CACNG2: variants seen among roughly 807,000 people sequenced by gnomAD.
The protein encoded by CACNG2 is voltage-dependent calcium channel gamma-2 subunit.
In CACNG2, 3 loss-of-function variants were observed where a neutral mutation model predicts 25.9. The ratio of observed to expected loss-of-function variants is 0.12; its 90% confidence interval spans 0.05 to 0.30. CACNG2 has a LOEUF of 0.30. Ranked by LOEUF, CACNG2 falls within the 10% of genes least tolerant of loss-of-function variation. The pLI is 1.00. For synonymous variants in CACNG2, 167 were observed against 173.3 expected (o/e 0.96, Z 0.29); for missense variants, 341 against 432.5 (o/e 0.79, Z 1.88).
chr22:36,572,065 A>G (rs147391587), intron 2 of CACNG2, among the ~76,000 whole-genome samples: 4 of 152,288 alleles, frequency 2.6e-5, no homozygotes, highest in Non-Finnish European at 5.9e-5. Flanking sequence ...TCTTGTTGCC[A>G]AAATCTATCA....
In CACNG2 at chr22:36,610,865, C is replaced by G. The variant is rs893174478; in HGVS notation, c.212-23317G>C. 2.0e-5 allele frequency among the ~76,000 whole-genome samples: 3 copies of G among 152,224 alleles called. No individual in the cohort carries two copies. The East Asian group carries it at 5.8e-4, about 29-fold the overall frequency. Reference sequence around the variant, plus strand: ...GGAGACCGCCAAGGCCTCTGCCACCCTCGCTTAGGAAGAGTGGGCACGGGG... The same window carrying G: ...GGAGACCGCCAAGGCCTCTGCCACCGTCGCTTAGGAAGAGTGGGCACGGGG... On this transcript the variant is annotated intron_variant, in intron 1 of 3. Transcript: ENST00000300105.
intron 2 of CACNG2, among the ~76,000 whole-genome samples, chr22:36,576,284 C>T (rs1482571197): frequency 6.6e-6 from 1 of 152,092 alleles, no homozygotes; most frequent in African/African-American, 2.4e-5. Flanking sequence ...GAATGGAAAA[C>T]CAAACATTAT....
intron 2 of CACNG2, among the ~76,000 whole-genome samples, chr22:36,578,615 G>A (rs924439518): frequency 1.3e-5 from 2 of 152,304 alleles, no homozygotes; most frequent in Non-Finnish European, 2.9e-5. Flanking sequence ...CCTGGCTCAT[G>A]TTCCCTGGTG....
intron 1 of CACNG2, among the ~76,000 whole-genome samples, chr22:36,690,511 C>T (rs552111081): frequency 9.2e-5 from 14 of 152,282 alleles, no homozygotes; most frequent in African/African-American, 3.4e-4. Context: ...TGACAGCACC[C>T]GACATTTGTC....
At chr22:36,583,291 G>T (rs867092036) in intron 2 of CACNG2, among the ~76,000 whole-genome samples, 2 of 152,058 alleles carry the variant, frequency 1.3e-5, no homozygotes, top group Non-Finnish European at 2.9e-5. Flanking sequence ...AAATTAGCCA[G>T]ATGTGGTGGC....
intron 1 of CACNG2, among the ~76,000 whole-genome samples, chr22:36,625,246 A>G (rs568679342): frequency 1.6e-4 from 25 of 152,278 alleles, no homozygotes; most frequent in Middle Eastern, 3.4e-3. Flanking sequence ...CTGAAAATGC[A>G]TTCTGGCTCT....
intron 1 of CACNG2, among the ~76,000 whole-genome samples, chr22:36,659,521 G>A (rs973251796): frequency 2.8e-4 from 43 of 151,986 alleles, no homozygotes; most frequent in African/African-American, 1.0e-3. Context: ...AGGGTATGCC[G>A]TGGAGTCTTC....
chr22:36,621,956 C>T (rs1252146330), intron 1 of CACNG2, among the ~76,000 whole-genome samples: 1 of 152,206 alleles, frequency 6.6e-6, no homozygotes, highest in Non-Finnish European at 1.5e-5. Context: ...AAGACGACAA[C>T]AATTAAACAG....
At chr22:36,690,216 A>G (rs1937251307) in intron 1 of CACNG2, among the ~76,000 whole-genome samples, 1 of 152,196 alleles carries the variant, frequency 6.6e-6, no homozygotes, top group Non-Finnish European at 1.5e-5. Flanking sequence ...CGGAGCAGCC[A>G]TGTAAGCCAC....
intron 2 of CACNG2, among the ~76,000 whole-genome samples, chr22:36,569,785 C>T (rs1034998370): frequency 2.6e-5 from 4 of 152,200 alleles, no homozygotes; most frequent in Admixed American, 6.5e-5. Flanking sequence ...GGTGATCCAC[C>T]GGCCTCGGCC....
intron 1 of CACNG2, among the ~76,000 whole-genome samples, chr22:36,657,916 C>G (rs1936731737): frequency 6.6e-6 from 1 of 152,006 alleles, no homozygotes. Flanking sequence ...CGTTCACTCC[C>G]AAGCTCTCCA....
At chr22:36,649,322 C>T (rs1707174290) in intron 1 of CACNG2, among the ~76,000 whole-genome samples, 1 of 152,158 alleles carries the variant, frequency 6.6e-6, no homozygotes, top group Admixed American at 6.6e-5. Context: ...GACGGAGTCT[C>T]ACTCTGTCAC....
chr22:36,617,820 T>C (rs1936045718), intron 1 of CACNG2, among the ~76,000 whole-genome samples: 1 of 151,260 alleles, frequency 6.6e-6, no homozygotes, highest in African/African-American at 2.4e-5. Flanking sequence ...CTCCTGCGTT[T>C]GAGGAGCTCT....
At chr22:36,617,878 A>C (rs1936046398) in intron 1 of CACNG2, among the ~76,000 whole-genome samples, 1 of 150,840 alleles carries the variant, frequency 6.6e-6, no homozygotes, top group Admixed American at 6.6e-5. Context: ...CCACATTCTA[A>C]GGGTTGGTAA....
rs548757559 is a variant in CACNG2 at position 36,644,797 on chromosome 22, G to T, written c.212-57249C>A. On this transcript the variant is annotated intron_variant, in intron 1 of 3. Transcript: ENST00000300105. ...CTGGTGAATAAGCCCTATATAAGTG[G>T]TTTTTTTTGTTTGTTTTTGTTTTTG... Among the ~76,000 whole-genome samples the T allele has an allele frequency of 7.3e-5, 11 of 151,676 alleles. No homozygotes were observed. In the South Asian group the frequency reaches 8.3e-4, roughly 11 times the overall value.
intron 1 of CACNG2, among the ~76,000 whole-genome samples, chr22:36,633,766 C>T (rs904540403): frequency 2.6e-5 from 4 of 152,166 alleles, no homozygotes; most frequent in East Asian, 3.8e-4. Flanking sequence ...TATGTACCTC[C>T]GTACTGCAAG....
chr22:36,698,451 T>G (rs1296201421), intron 1 of CACNG2, among the ~76,000 whole-genome samples: 1 of 152,182 alleles, frequency 6.6e-6, no homozygotes, highest in Non-Finnish European at 1.5e-5. Context: ...GCTATTGGCT[T>G]TCCTAAAATA....
At chr22:36,664,535 T>G (rs5995327) in intron 1 of CACNG2, among the ~76,000 whole-genome samples, 15,064 of 152,188 alleles carry the variant, frequency 0.099, 1,333 homozygotes, top group African/African-American at 0.23. Context: ...CTTTCCGGGC[T>G]AGGGATCTAA....
chr22:36,678,885 C>T (rs939177365), intron 1 of CACNG2, among the ~76,000 whole-genome samples: 1 of 152,156 alleles, frequency 6.6e-6, no homozygotes, highest in Non-Finnish European at 1.5e-5. Flanking sequence ...CTTGGCTCAT[C>T]CATCTCATCG....
Sources: gnomAD v4.1 joint callset for allele counts (sites outside exome capture counted in the v4.1 genomes callset) on GRCh38, gnomAD v4.1.1 for gene constraint, MANE v1.5 for transcripts, NCBI Gene and HGNC (gene_info 2026-07-23, HGNC 2026-07-21) for gene names.